The following DSG3 variants were observed in gnomAD, a reference collection of about 807,000 sequenced individuals.
DSG3 encodes desmoglein 3.
DSG3 carries 63 observed loss-of-function variants against 85.9 expected under a neutral mutation model. That is an observed-to-expected ratio of 0.73 (90% confidence interval 0.60 to 0.90). The LOEUF is 0.90. DSG3 is among the 40% of genes least tolerant of loss of function. The pLI, the probability that DSG3 is intolerant of heterozygous loss-of-function variation, is 0.00. For synonymous variants in DSG3, 447 were observed against 441.9 expected (o/e 1.01, Z -0.14); for missense variants, 1,220 against 1,219.9 (o/e 1.00, Z 0.00).
Position 31,447,818 on chromosome 18 carries a change from C to T in DSG3, c.-60C>T, listed in dbSNP as rs1598771394. The T allele has an allele frequency of 8.3e-6, 12 of 1,445,518 alleles. No homozygotes were observed. Among genetic ancestry groups the T allele is most frequent in the East Asian group, 4.9e-5 (2 of 40,414 alleles). 89.5% of individuals were successfully genotyped at this position (1,445,518 alleles called of 1,614,324 possible). ...GCTTTTCTTAGACATCAACTGCAGA[C>T]GGCTGGCAGGATAGAAGCAGCGGCT... On this transcript the variant is annotated 5_prime_UTR_variant, in exon 1 of 16. It adds an upstream start codon to the 5' untranslated region. Coordinates refer to ENST00000257189, the MANE Select transcript of DSG3 (RefSeq NM_001944.3).
chr18:31,466,975 G>C (rs2072825198), intron 11 of DSG3, among the ~76,000 whole-genome samples: 1 of 152,136 alleles, frequency 6.6e-6, no homozygotes, highest in African/African-American at 2.4e-5. Context: ...ATCCTTTTTA[G>C]GGTTCGTTTG....
At position 31,475,891 on chromosome 18, in the gene DSG3, C is replaced by A. The variant is rs550246913; in HGVS notation, c.2631C>A (p.Ser877Arg). The A allele has an allele frequency of 8.7e-6, 14 of 1,614,122 alleles. No homozygotes were observed. The highest frequency in any genetic ancestry group is 1.2e-5 in the Non-Finnish European group (14 of 1,180,032). ...AAGTTCAGCCACCCTCTAAAGACAG[C>A]GGTTATGGGATTGAATCCTGTGGCC... Reference protein sequence around the residue: ...GKEVQPPSKDSGYGIESCGHP... With the variant: ...GKEVQPPSKDRGYGIESCGHP... Residue 877 changes from serine to arginine, a missense_variant, in exon 16 of 16, where the codon AGC (serine) becomes AGA (arginine). Transcript: ENST00000257189.
chr18:31,474,103 G>T lies in DSG3; in HGVS notation c.2102-18G>T. On this transcript the variant is annotated intron_variant, in intron 14 of 15. Transcript: ENST00000257189. Reference sequence around the variant, plus strand: ...ACAACAGCATAAGATATTACAGAATGTTCTCCCTTGTTTTTAGAAGTTTGT... The same window carrying T: ...ACAACAGCATAAGATATTACAGAATTTTCTCCCTTGTTTTTAGAAGTTTGT... 1 of 1,602,092 alleles carries T rather than the reference G, an allele frequency of 6.2e-7. No individual in the cohort carries two copies.
chr18:31,448,031 G>A, intron 1 of DSG3, 106 bp downstream of exon 1: 1 of 799,970 alleles, frequency 1.3e-6, no homozygotes, highest in Non-Finnish European at 1.8e-6. Flanking sequence ...TAAAAGGAGT[G>A]CAGTGGAAAT....
At chr18:31,449,038 G>C (rs776475379) in intron 1 of DSG3, among the ~76,000 whole-genome samples, 1 of 152,138 alleles carries the variant, frequency 6.6e-6, no homozygotes, top group Non-Finnish European at 1.5e-5. Context: ...TGAGATTACA[G>C]GCGTGCACCA....
chr18:31,455,520 T>C (rs566455116), intron 1 of DSG3, among the ~76,000 whole-genome samples: 1 of 152,328 alleles, frequency 6.6e-6, no homozygotes, highest in East Asian at 1.9e-4. Flanking sequence ...CATCATGGGC[T>C]AAATTTCATG....
intron 10 of DSG3, among the ~76,000 whole-genome samples, chr18:31,465,910 G>C (rs184183074): frequency 6.6e-6 from 1 of 151,954 alleles, no homozygotes; most frequent in Non-Finnish European, 1.5e-5. Flanking sequence ...GTTTCCCCAA[G>C]TATAAAATTA....
chr18:31,470,330 T>TA (rs1171085585), intron 12 of DSG3, among the ~76,000 whole-genome samples: 1 of 152,162 alleles, frequency 6.6e-6, no homozygotes, highest in East Asian at 1.9e-4. Context: ...ACTGAACAGA[T>TA]ATGAATGTTT....
chr18:31,449,911 A>G (rs2072701062), intron 1 of DSG3, among the ~76,000 whole-genome samples: 1 of 152,242 alleles, frequency 6.6e-6, no homozygotes, highest in East Asian at 1.9e-4. Context: ...TATAAAATAT[A>G]CATCATAATT....
intron 8 of DSG3, among the ~76,000 whole-genome samples, chr18:31,463,123 C>A (rs2072796290): frequency 6.6e-6 from 1 of 152,184 alleles, no homozygotes; most frequent in South Asian, 2.1e-4. Context: ...ACTGCTTTCA[C>A]CTATGCCTGG....
rs1234850779 is a variant in DSG3 at position 31,463,610 on chromosome 18, C to A, written c.1000-501C>A. On this transcript the variant is annotated intron_variant, in intron 8 of 15. Transcript: ENST00000257189. ...GAATTTTTAAAGTCAGGAAAGATAC[C>A]ATTGTACATAAATCCAGTGAAGATT... Among the ~76,000 whole-genome samples the A allele has an allele frequency of 2.0e-5, 3 of 152,100 alleles. No individual in the cohort carries two copies. The East Asian group carries it at 5.8e-4, about 29-fold the overall frequency.
chr18:31,474,318 AG>A lies in DSG3; in HGVS notation c.2300del (p.Arg767LysfsTer18). On this transcript the variant is annotated frameshift_variant, in exon 15 of 16. Coordinates refer to ENST00000257189, the MANE Select transcript of DSG3 (RefSeq NM_001944.3). LOFTEE classifies it high-confidence loss of function. ...TTCCTCAGGGCAGTCTGGAACCATG[AG>A]AACAAGGCATTCCACTGGAGGAACC... ...ICSSGQSGTMRTRHSTGGTNK... is the reference protein window; with the variant it reads ...ICSSGQSGTMXTRHSTGGTNK... 3 of 1,614,202 alleles carry A rather than the reference AG, an allele frequency of 1.9e-6. No individual in the cohort carries two copies. Among genetic ancestry groups the A allele is most frequent in the Non-Finnish European group, 1.7e-6 (2 of 1,180,040 alleles).
intron 11 of DSG3, 48 bp downstream of exon 11, chr18:31,466,802 A>G (rs769057293): frequency 8.6e-6 from 13 of 1,514,696 alleles, no homozygotes; most frequent in Non-Finnish European, 3.7e-6. Context: ...GCTCCTTTGT[A>G]TTTCCAGAAG....
chr18:31,454,076 G>A (rs1286977912), intron 1 of DSG3, among the ~76,000 whole-genome samples: 4 of 152,096 alleles, frequency 2.6e-5, no homozygotes, highest in African/African-American at 9.7e-5. Flanking sequence ...AGGCTGTGCT[G>A]TCCTCTAAAA....
Position 31,465,554 on chromosome 18 carries a change from C to T in DSG3, c.1411+97C>T, listed in dbSNP as rs1457639098. 4.5e-6 allele frequency: 5 copies of T among 1,115,464 alleles called. No individual in the cohort carries two copies. The African/African-American group carries it at 8.1e-5, about 18-fold the overall frequency. 69.1% of individuals were successfully genotyped at this position (1,115,464 alleles called of 1,614,324 possible). ...TGATTATTCAACATATTATCTTTAC[C>T]ACTGGAGAGAGAGAATTATCTTAGG... On this transcript the variant is annotated intron_variant, in intron 10 of 15. Transcript: ENST00000257189.
In DSG3 at chr18:31,459,091, C is replaced by A. The variant is rs62095186; in HGVS notation, c.431C>A (p.Thr144Lys). 6.2e-7 allele frequency: 1 copy of A among 1,613,412 alleles called. No homozygotes were observed. Among genetic ancestry groups the A allele is most frequent in the African/African-American group, 1.3e-5 (1 of 74,992 alleles). Residue 144 changes from threonine (T) to lysine (K), a missense_variant, in exon 5 of 16, where the codon ACG (threonine) becomes AAG (lysine). Physicochemically the swap from Thr to Lys is moderately conservative, Grantham distance 78. Coordinates refer to ENST00000257189, the MANE Select transcript of DSG3 (RefSeq NM_001944.3). Reference sequence around the variant, plus strand: ...GATGTAGAGAAACCACTTATACTAACGGTTAAAATTTTGGATATTAATGAT... The same window carrying A: ...GATGTAGAGAAACCACTTATACTAAAGGTTAAAATTTTGGATATTAATGAT... The part of the protein sequence containing the change: ...GLDVEKPLIL[T>K]VKILDINDNP...
At position 31,469,338 on chromosome 18, in the gene DSG3, TG is replaced by T; in HGVS notation, c.1887del (p.Leu630CysfsTer10). The T allele has an allele frequency of 1.2e-6, 2 of 1,612,714 alleles. No homozygotes were observed. The highest frequency in any genetic ancestry group is 2.2e-5 in the South Asian group (2 of 90,996). The stretch of plus-strand genomic sequence containing the variant: ...ATCGGCCTGCTGCTCCTTGGTCTCC[TG>T]CTGCTGCTGTGTGAGTAGCCAATGT... ...AAIGLLLLGLLLLLLAPLLLL... is the reference protein window; with the variant it reads ...AAIGLLLLGLXLLLLAPLLLL... On this transcript the variant is annotated frameshift_variant, in exon 12 of 16. Coordinates refer to ENST00000257189, the MANE Select transcript of DSG3 (RefSeq NM_001944.3). LOFTEE classifies it high-confidence loss of function.
rs1381690609 is a variant in DSG3 at position 31,474,421 on chromosome 18, C to T, written c.2385+17C>T. On this transcript the variant is annotated intron_variant, in intron 15 of 15. Transcript: ENST00000257189. The stretch of plus-strand genomic sequence containing the variant: ...TTTTCTCAGGTAATTTGGTGAAAAA[C>T]TTTGTGGCTTGATTATCTTATTTAC... The T allele has an allele frequency of 1.0e-5, 16 of 1,585,674 alleles. No individual in the cohort carries two copies. The East Asian group carries it at 3.6e-4, about 36-fold the overall frequency.
At position 31,476,382 on chromosome 18, in the gene DSG3, A is replaced by G; in HGVS notation, c.*122A>G. Reference sequence around the variant, plus strand: ...TTGGCACTTATTAGCTTCTCTCATAAACTGATCACGATTATAAATTAAATG... The same window carrying G: ...TTGGCACTTATTAGCTTCTCTCATAGACTGATCACGATTATAAATTAAATG... On this transcript the variant is annotated 3_prime_UTR_variant, in exon 16 of 16. Coordinates refer to ENST00000257189, the MANE Select transcript of DSG3 (RefSeq NM_001944.3). 1 of 1,160,068 alleles carries G rather than the reference A, an allele frequency of 8.6e-7. No individual in the cohort carries two copies. The allele number at this position is 1,160,068 out of a possible 1,614,324, so 71.9% of individuals were successfully genotyped here. A position where few individuals can be genotyped will look rare whatever the true frequency, so the allele number is the denominator to read the frequency against.
Sources: allele counts gnomAD v4.1 joint callset (sites outside exome capture counted in the v4.1 genomes callset), GRCh38; gene constraint gnomAD v4.1.1; transcripts MANE v1.5; gene names NCBI Gene and HGNC (gene_info 2026-07-23, HGNC 2026-07-21).